Variants in CTXND1 observed in about 807,000 individuals in gnomAD.
CTXND1 encodes the protein cortexin domain containing 1.
chr15:80,204,649 A>G (rs1377655219), intron 1 of CTXND1, among the ~76,000 whole-genome samples: 1 of 35,984 alleles, frequency 2.8e-5, no homozygotes, highest in Non-Finnish European at 4.7e-5. Flanking sequence ...ATTCCATTGT[A>G]TATATATATA....
chr15:80,242,988 G>A (rs1893588004), intron 1 of CTXND1, among the ~76,000 whole-genome samples: 1 of 152,238 alleles, frequency 6.6e-6, no homozygotes, highest in African/African-American at 2.4e-5. Flanking sequence ...GGCAGGTCAG[G>A]AGGCTTGGAT....
At chr15:80,242,529 GCATGAACAATGCCTCACTAGTC>G (rs1258004445) in intron 1 of CTXND1, among the ~76,000 whole-genome samples, 2 of 152,188 alleles carry the variant, frequency 1.3e-5, no homozygotes, top group African/African-American at 4.8e-5. Flanking sequence ...TTGCAAATTT[GCATGAACAATGCCTCACTAGTC>G]AATGCCGAGG....
At chr15:80,212,013 C>T (rs1805222850) in intron 1 of CTXND1, among the ~76,000 whole-genome samples, 1 of 152,102 alleles carries the variant, frequency 6.6e-6, no homozygotes, top group African/African-American at 2.4e-5. Flanking sequence ...GCTGGAAGTG[C>T]CTGGGAGTTA....
intron 1 of CTXND1, among the ~76,000 whole-genome samples, chr15:80,239,175 C>T (rs1292567793): frequency 1.3e-5 from 2 of 152,234 alleles, no homozygotes; most frequent in African/African-American, 4.8e-5. Context: ...GCCCTTCCCA[C>T]CAGCTCTGGC....
intron 1 of CTXND1, among the ~76,000 whole-genome samples, chr15:80,207,560 T>C (rs944399848): frequency 3.3e-5 from 5 of 152,248 alleles, no homozygotes; most frequent in African/African-American, 1.2e-4. Context: ...GTGAGTTTGC[T>C]TCTATTGTTT....
At chr15:80,217,561 TTTAG>T (rs1188870337) in intron 1 of CTXND1, among the ~76,000 whole-genome samples, 4 of 144,660 alleles carry the variant, frequency 2.8e-5, no homozygotes, top group East Asian at 2.0e-4. Context: ...TATTTATTTA[TTTAG>T]AGACAGTGTC....
intron 1 of CTXND1, among the ~76,000 whole-genome samples, chr15:80,237,110 C>T (rs1445098422): frequency 6.6e-6 from 1 of 152,052 alleles, no homozygotes; most frequent in East Asian, 1.9e-4. Context: ...CCAAGGATGG[C>T]AGATCACGAG....
chr15:80,217,956 T>G (rs2142128380), intron 1 of CTXND1, among the ~76,000 whole-genome samples: 1 of 152,360 alleles, frequency 6.6e-6, no homozygotes, highest in Non-Finnish European at 1.5e-5. Context: ...GTAAATATTT[T>G]TCAATTTCTT....
intron 1 of CTXND1, among the ~76,000 whole-genome samples, chr15:80,220,134 CT>C (rs1458799866): frequency 7.1e-5 from 8 of 112,122 alleles, no homozygotes; most frequent in Non-Finnish European, 1.4e-4. Context: ...ATCTATCTAT[CT>C]ATCTATCTAT....
At chr15:80,243,199 A>C (rs1206708400) in intron 1 of CTXND1, among the ~76,000 whole-genome samples, 1 of 152,186 alleles carries the variant, frequency 6.6e-6, no homozygotes, top group Non-Finnish European at 1.5e-5. Context: ...GGTCTCCTAC[A>C]GGGCCTAGTT....
chr15:80,211,600 G>T (rs1340749481), intron 1 of CTXND1, among the ~76,000 whole-genome samples: 1 of 152,120 alleles, frequency 6.6e-6, no homozygotes, highest in African/African-American at 2.4e-5. Context: ...CAATCAGCAG[G>T]GCGGGGGAGA....
chr15:80,220,084 T>G (rs1278698825), intron 1 of CTXND1, among the ~76,000 whole-genome samples: 1 of 152,172 alleles, frequency 6.6e-6, no homozygotes, highest in Non-Finnish European at 1.5e-5. Flanking sequence ...CCTGTCCTGA[T>G]GTCAAATATA....
chr15:80,215,241 G>T (rs1253203648), intron 1 of CTXND1, among the ~76,000 whole-genome samples: 1 of 152,156 alleles, frequency 6.6e-6, no homozygotes, highest in Admixed American at 6.5e-5. Context: ...CATATTGGGG[G>T]TACCATTTCT....
intron 1 of CTXND1, among the ~76,000 whole-genome samples, chr15:80,225,862 AT>A (rs1308079463): frequency 2.7e-5 from 4 of 150,696 alleles, no homozygotes; most frequent in African/African-American, 4.9e-5. Flanking sequence ...GGTTATCCTC[AT>A]TTTTTTTTCT....
chr15:80,205,418 A>T (rs1037551779), intron 1 of CTXND1, among the ~76,000 whole-genome samples: 8 of 152,230 alleles, frequency 5.3e-5, no homozygotes, highest in African/African-American at 1.9e-4. Context: ...TGATAGTATT[A>T]TTCTTGGAGG....
At chr15:80,229,687 G>A (rs545168583) in intron 1 of CTXND1, among the ~76,000 whole-genome samples, 21 of 152,204 alleles carry the variant, frequency 1.4e-4, no homozygotes, top group South Asian at 6.2e-4. Flanking sequence ...AAGCAATATC[G>A]TCTTGACTAA....
At chr15:80,208,114 T>G (rs6495481) in intron 1 of CTXND1, among the ~76,000 whole-genome samples, 1 of 152,080 alleles carries the variant, frequency 6.6e-6, no homozygotes, top group Non-Finnish European at 1.5e-5. Flanking sequence ...TCTTTTGCCC[T>G]GGGATTTTGA....
chr15:80,212,864 C>T (rs1011455357), intron 1 of CTXND1, among the ~76,000 whole-genome samples: 1 of 152,190 alleles, frequency 6.6e-6, no homozygotes, highest in South Asian at 2.1e-4. Flanking sequence ...AAAATATGTG[C>T]TACCCTTCAG....
chr15:80,229,414 G>A (rs1893405386), intron 1 of CTXND1, among the ~76,000 whole-genome samples: 1 of 152,228 alleles, frequency 6.6e-6, no homozygotes, highest in African/African-American at 2.4e-5. Context: ...CTCCCTTGGA[G>A]CAGGGCATAG....
Sources: gnomAD v4.1 joint callset for allele counts (sites outside exome capture counted in the v4.1 genomes callset) on GRCh38, gnomAD v4.1.1 for gene constraint, MANE v1.5 for transcripts, NCBI Gene and HGNC (gene_info 2026-07-23, HGNC 2026-07-21) for gene names.